The following SRGAP3 variants were observed in gnomAD, a reference collection of about 807,000 sequenced individuals.
SRGAP3 encodes the protein SLIT-ROBO Rho GTPase activating protein 3, also known as SLIT-ROBO Rho GTPase-activating protein 3.
Under a neutral mutation model 121.1 loss-of-function variants are expected in SRGAP3, and 39 were observed. The observed-to-expected ratio is 0.32, with a 90% CI of 0.25 to 0.42. The LOEUF is 0.42. Ranked by LOEUF, SRGAP3 falls within the 10% of genes least tolerant of loss-of-function variation. The pLI is 1.00. For missense variants in SRGAP3, 1,213 were observed against 1,470.6 expected, an observed-to-expected ratio of 0.82 and a Z score of 2.86; for synonymous variants, 601 against 570.0, an observed-to-expected ratio of 1.05 and a Z score of -0.77.
rs1411008840 is a variant in SRGAP3 at position 8,985,446 on chromosome 3, G to A, written c.*73C>T. ...CAAGGCCAGGGTCACTGGGAAGCAC[G>A]TGGAAGCCACCAAGGCCACCCTGGG... On this transcript the variant is annotated 3_prime_UTR_variant, in exon 22 of 22. Coordinates refer to ENST00000383836, the MANE Select transcript of SRGAP3 (RefSeq NM_014850.4). This position sits in a 1 kb window ranked among gnomAD's most constrained non-coding sequence, Gnocchi z 5.1. 4 of 1,585,628 alleles carry A rather than the reference G, an allele frequency of 2.5e-6. No homozygotes were observed. The highest frequency in any genetic ancestry group is 2.0e-4 in the Middle Eastern group (1 of 5,058).
chr3:9,262,785 C>A (rs1195171915), intron 3 of SRGAP3, among the ~76,000 whole-genome samples: 1 of 152,066 alleles, frequency 6.6e-6, no homozygotes, highest in African/African-American at 2.4e-5. Context: ...GACTTTAACA[C>A]CCCACTGTCA....
chr3:9,221,459 C>T (rs1019779491), intron 1 of SRGAP3, among the ~76,000 whole-genome samples: 2 of 152,124 alleles, frequency 1.3e-5, no homozygotes, highest in Non-Finnish European at 2.9e-5. Flanking sequence ...AATGCTTGAC[C>T]CTTGGAGTTC....
intron 3 of SRGAP3, among the ~76,000 whole-genome samples, chr3:9,270,844 G>A (rs1954460827): frequency 6.6e-6 from 1 of 151,688 alleles, no homozygotes; most frequent in South Asian, 2.1e-4. Context: ...TATGCTTCTG[G>A]TACTGTTCTG....
At chr3:9,343,669 G>A (rs1485720741) in intron 1 of SRGAP3, among the ~76,000 whole-genome samples, 2 of 151,956 alleles carry the variant, frequency 1.3e-5, no homozygotes, top group Non-Finnish European at 2.9e-5. Flanking sequence ...ACTCTTATAT[G>A]CTCTACTTTT....
Position 8,985,503 on chromosome 3 carries a change from C to T in SRGAP3, c.*16G>A, listed in dbSNP as rs750925547. 2.5e-6 allele frequency: 4 copies of T among 1,598,130 alleles called. No individual in the cohort carries two copies. Among genetic ancestry groups the T allele is most frequent in the South Asian group, 1.1e-5 (1 of 90,972 alleles). On this transcript the variant is annotated 3_prime_UTR_variant, in exon 22 of 22. Transcript: ENST00000383836. This position sits in a 1 kb window ranked among gnomAD's most constrained non-coding sequence, Gnocchi z 5.1. The stretch of plus-strand genomic sequence containing the variant: ...TGAGCCACAGCGGGCCACGGCGGCG[C>T]GGCCCATCCTGCAGGTCACATGGTG...
At chr3:9,125,150 A>G (rs1025991498) in intron 1 of SRGAP3, among the ~76,000 whole-genome samples, 2 of 152,100 alleles carry the variant, frequency 1.3e-5, no homozygotes, top group African/African-American at 2.4e-5. Flanking sequence ...AACTTGAATC[A>G]CTGCATGTCA....
intron 2 of SRGAP3, among the ~76,000 whole-genome samples, chr3:9,327,149 A>G (rs559824992): frequency 1.8e-4 from 27 of 151,976 alleles, no homozygotes; most frequent in Middle Eastern, 6.8e-3. Flanking sequence ...TTCAGTTTTA[A>G]TCAGTTTTAC....
rs759698239 is a variant in SRGAP3 at position 8,992,915 on chromosome 3, ACCC to A, written c.2546_2548del (p.Gly849del). 3 of 1,612,120 alleles carry A rather than the reference ACCC, an allele frequency of 1.9e-6. No homozygotes were observed. The African/African-American group carries it at 4.0e-5, about 22-fold the overall frequency. ...AATCCGCATATCCTACCGGCCCATC[ACCC>A]CCCCAAAGCCGTAATCCGAGATGTG... On this transcript the variant is annotated inframe_deletion, in exon 20 of 22. Coordinates refer to ENST00000383836, the MANE Select transcript of SRGAP3 (RefSeq NM_014850.4).
intron 5 of SRGAP3, among the ~76,000 whole-genome samples, chr3:9,063,330 T>G (rs1418177805): frequency 6.6e-6 from 1 of 152,000 alleles, no homozygotes; most frequent in Non-Finnish European, 1.5e-5. Context: ...GGTTCTGCCA[T>G]GTTGCCCAAC....
intron 1 of SRGAP3, chr3:9,355,760 G>C (rs1415125627): frequency 6.6e-6 from 1 of 152,156 alleles, no homozygotes; most frequent in African/African-American, 2.4e-5. Context: ...TCTTCCATTA[G>C]AACACAAGTA....
At chr3:9,339,054 A>G (rs1312323382) in intron 1 of SRGAP3, among the ~76,000 whole-genome samples, 1 of 152,194 alleles carries the variant, frequency 6.6e-6, no homozygotes, top group Admixed American at 6.5e-5. Flanking sequence ...TTAGCCCTGA[A>G]ATGACCCATG....
chr3:9,124,756 TGGA>T lies in SRGAP3; in HGVS notation c.226_228del (p.Ser76del). Reference sequence around the variant, plus strand: ...TGGTGCTCCCGGGAGCTGCGGATTTTGGAGGAGAAGCGCTCAGCCAGCTTCTCC... The same window carrying T: ...TGGTGCTCCCGGGAGCTGCGGATTTTGGAGAAGCGCTCAGCCAGCTTCTCC... On this transcript the variant is annotated inframe_deletion, in exon 2 of 22. Coordinates refer to ENST00000383836, the MANE Select transcript of SRGAP3 (RefSeq NM_014850.4). 1.2e-6 allele frequency: 2 copies of T among 1,614,152 alleles called. No individual in the cohort carries two copies. The highest frequency in any genetic ancestry group is 1.7e-6 in the Non-Finnish European group (2 of 1,180,044).
At chr3:9,117,500 T>A (rs1948846993) in intron 2 of SRGAP3, among the ~76,000 whole-genome samples, 1 of 152,222 alleles carries the variant, frequency 6.6e-6, no homozygotes, top group Non-Finnish European at 1.5e-5. Context: ...GCCAAGTGCC[T>A]CCCAGCACTT....
intron 21 of SRGAP3, among the ~76,000 whole-genome samples, chr3:8,989,236 T>G (rs566731295): frequency 1.3e-5 from 2 of 152,248 alleles, no homozygotes; most frequent in African/African-American, 4.8e-5. Flanking sequence ...GGTAGAACTT[T>G]CTAGACTGGT....
chr3:9,005,139 G>T (rs976664845), intron 18 of SRGAP3, among the ~76,000 whole-genome samples: 3 of 152,068 alleles, frequency 2.0e-5, no homozygotes, highest in African/African-American at 7.2e-5. Flanking sequence ...AGGATCTGAA[G>T]AAAAATATAC....
At chr3:9,039,515 C>T (rs1162186077) in intron 10 of SRGAP3, among the ~76,000 whole-genome samples, 1 of 152,012 alleles carries the variant, frequency 6.6e-6, no homozygotes, top group Non-Finnish European at 1.5e-5. Context: ...TAAAATTTAC[C>T]CATTTGGAGT....
Position 9,122,438 on chromosome 3 carries a change from G to A in SRGAP3, c.260+2287C>T, listed in dbSNP as rs187679489. 3.1e-3 allele frequency among the ~76,000 whole-genome samples: 472 copies of A among 152,260 alleles called. 2 individuals are homozygous for A. Among genetic ancestry groups the A allele is most frequent in the African/African-American group, 0.011 (456 of 41,538 alleles). ...GAGAAGAGACTGGGTGGCTGGGCGC[G>A]GTGGCTCACACCTTTAATCCCAGCA... On this transcript the variant is annotated intron_variant, in intron 2 of 21. Coordinates refer to ENST00000383836, the MANE Select transcript of SRGAP3 (RefSeq NM_014850.4).
intron 14 of SRGAP3, among the ~76,000 whole-genome samples, chr3:9,020,076 A>C (rs1943839208): frequency 6.6e-6 from 1 of 152,202 alleles, no homozygotes; most frequent in Non-Finnish European, 1.5e-5. Context: ...TTCCAATACC[A>C]CCATTCTCTC....
At chr3:9,317,125 C>T (rs1955361273) in intron 3 of SRGAP3, among the ~76,000 whole-genome samples, 1 of 152,214 alleles carries the variant, frequency 6.6e-6, no homozygotes, top group African/African-American at 2.4e-5. Context: ...CAGCCGCGTT[C>T]TTCCGAGAGC....
Sources: allele counts gnomAD v4.1 joint callset (sites outside exome capture counted in the v4.1 genomes callset), GRCh38; gene constraint gnomAD v4.1.1; non-coding constraint Gnocchi (gnomAD v3.1); transcripts MANE v1.5; gene names NCBI Gene and HGNC (gene_info 2026-07-23, HGNC 2026-07-21).